TERT: variants seen among roughly 807,000 people sequenced by gnomAD.
TERT encodes telomerase reverse transcriptase.
TERT carries 42 observed loss-of-function variants against 104.0 expected under a neutral mutation model. The ratio of observed to expected loss-of-function variants is 0.40; its 90% CI spans 0.32 to 0.52. The LOEUF (loss-of-function observed/expected upper bound fraction) is 0.52. TERT is among the 20% of genes least tolerant of loss of function. The pLI is 0.43. For synonymous variants in TERT, 781 were observed against 725.6 expected (o/e 1.08, Z -1.23); for missense variants, 1,101 against 1,610.3 (o/e 0.68, Z 5.41).
At chr5:1,293,043 C>T (rs866854739) in intron 2 of TERT, among the ~76,000 whole-genome samples, 1 of 152,270 alleles carries the variant, frequency 6.6e-6, no homozygotes, top group Non-Finnish European at 1.5e-5. Flanking sequence ...CTGCCGCGCC[C>T]AGCCTCCTCT....
rs1054152364 is a variant in TERT, at chr5:1,255,703, T to C, written c.3033-292A>G. 1.3e-5 allele frequency among the ~76,000 whole-genome samples: 2 copies of C among 152,230 alleles called. No individual in the cohort carries two copies. Among genetic ancestry groups the C allele is most frequent in the Non-Finnish European group, 2.9e-5 (2 of 68,036 alleles). On this transcript the variant is annotated intron_variant, in intron 13 of 15. Coordinates refer to ENST00000310581, the MANE Select transcript of TERT (RefSeq NM_198253.3). The surrounding 1 kb of genome is among the most constrained non-coding windows in gnomAD (Gnocchi z 6.9). ...CTCCATCCTGGATGCCAGCCCCCCA[T>C]GCTGGCTTCTGATTAGCCCCTGTTC... is the stretch of plus-strand genomic sequence containing the variant.
Position 1,279,832 on chromosome 5 carries a change from A to C in TERT, c.1950+326T>G, listed in dbSNP as rs534834464. 5.3e-5 allele frequency among the ~76,000 whole-genome samples: 8 copies of C among 152,278 alleles called. No individual in the cohort carries two copies. In the East Asian group the frequency reaches 1.5e-3, roughly 29 times the overall value. On this transcript the variant is annotated intron_variant, in intron 4 of 15. Coordinates refer to ENST00000310581, the MANE Select transcript of TERT (RefSeq NM_198253.3). ...CGTGGCCTGGTCCCCGGGCCCCGTA[A>C]GCGGAAGCGCACGGAGGCTGCGCAC...
At chr5:1,271,627 C>T (rs1024913379) in intron 7 of TERT, among the ~76,000 whole-genome samples, 12 of 152,138 alleles carry the variant, frequency 7.9e-5, no homozygotes, top group Non-Finnish European at 1.3e-4. Flanking sequence ...CCCCTAGAGC[C>T]GAGCAAGTGC....
In TERT at chr5:1,262,417, A is replaced by G. The variant is rs931293020; in HGVS notation, c.2844-1817T>C. ...TGGTTTGGGAGACTAAAATCTGGAC[A>G]AGAAAATTCCCATCTTACCACTTTT... is the stretch of plus-strand genomic sequence containing the variant. On this transcript the variant is annotated intron_variant, in intron 11 of 15. Coordinates refer to ENST00000310581, the MANE Select transcript of TERT (RefSeq NM_198253.3). The surrounding 1 kb of genome is among the most constrained non-coding windows in gnomAD (Gnocchi z 5.6). Among the ~76,000 whole-genome samples, 2 of 152,256 alleles carry G rather than the reference A, an allele frequency of 1.3e-5. No individual in the cohort carries two copies. Among genetic ancestry groups the G allele is most frequent in the Non-Finnish European group, 2.9e-5 (2 of 68,046 alleles).
At chr5:1,290,953 G>A (rs1579592631) in intron 2 of TERT, among the ~76,000 whole-genome samples, 1 of 143,232 alleles carries the variant, frequency 7.0e-6, no homozygotes, top group African/African-American at 2.7e-5. Context: ...CACCCTGCAC[G>A]TGACAGGGAC....
rs1012106507 is a variant in TERT, at chr5:1,257,435, C to A, written c.3032+1163G>T. Among the ~76,000 whole-genome samples the A allele has an allele frequency of 6.6e-6, 1 of 152,156 alleles. No homozygotes were observed. Among genetic ancestry groups the A allele is most frequent in the African/African-American group, 2.4e-5 (1 of 41,444 alleles). Reference sequence around the variant, plus strand: ...CTCAGTGGCACCTGTATCCAGCACACCCCAAGGGTTTCCGGAAAGGAGTCA... The same window carrying A: ...CTCAGTGGCACCTGTATCCAGCACAACCCAAGGGTTTCCGGAAAGGAGTCA... On this transcript the variant is annotated intron_variant, in intron 13 of 15. Coordinates refer to ENST00000310581, the MANE Select transcript of TERT (RefSeq NM_198253.3). The surrounding 1 kb of genome is among the most constrained non-coding windows in gnomAD (Gnocchi z 5.6).
In TERT at chr5:1,257,501, C is replaced by A. The variant is rs533979918; in HGVS notation, c.3032+1097G>T. 6.6e-6 allele frequency among the ~76,000 whole-genome samples: 1 copy of A among 152,252 alleles called. No individual in the cohort carries two copies. The highest frequency in any genetic ancestry group is 1.9e-4 in the East Asian group (1 of 5,162). ...GGCCCAGGCACGCGTCAGGGAGATGCAAACGAGGGAAGATTTGAGGCAGAG... is the reference window on the plus strand; with the variant it reads ...GGCCCAGGCACGCGTCAGGGAGATGAAAACGAGGGAAGATTTGAGGCAGAG... On this transcript the variant is annotated intron_variant, in intron 13 of 15. Transcript: ENST00000310581. This position sits in a 1 kb window ranked among gnomAD's most constrained non-coding sequence, Gnocchi z 5.6.
chr5:1,294,556 G>T lies in TERT; in HGVS notation c.330C>A (p.Gly110=), dbSNP rs778702039. 1 of 1,579,030 alleles carries T rather than the reference G, an allele frequency of 6.3e-7. No individual in the cohort carries two copies. The highest frequency in any genetic ancestry group is 1.1e-5 in the South Asian group (1 of 88,504). The change falls in exon 2 of 16, where the codon GGC becomes GGA. Residue 110 remains glycine (G), a synonymous_variant. Transcript: ENST00000310581. Reference sequence around the variant, plus strand: ...CGCTGGTGGTGAAGGCCTCGGGGGGGCCCCCGCGGGCCCCGTCCAGCAGCG... The same window carrying T: ...CGCTGGTGGTGAAGGCCTCGGGGGGTCCCCCGCGGGCCCCGTCCAGCAGCG... ...GFALLDGARG[G]PPEAFTTSVR...
At chr5:1,264,042 G>T (rs1436869837) in intron 11 of TERT, among the ~76,000 whole-genome samples, 4 of 137,546 alleles carry the variant, frequency 2.9e-5, no homozygotes, top group Non-Finnish European at 5.9e-5. Context: ...GGTTCAGAGG[G>T]ACTCATGCCC....
rs1322987070 is a variant in TERT at position 1,294,288 on chromosome 5, C to T, written c.598G>A (p.Glu200Lys). 1.3e-6 allele frequency: 2 copies of T among 1,594,248 alleles called. No homozygotes were observed. The highest frequency in any genetic ancestry group is 1.7e-6 in the Non-Finnish European group (2 of 1,176,602). The change falls in exon 2 of 16, where the codon GAA (glutamate) becomes AAA (lysine). Residue 200 changes from glutamate to lysine, a missense_variant. By Grantham distance (56) the Glu-to-Lys change is moderately conservative. Coordinates refer to ENST00000310581, the MANE Select transcript of TERT (RefSeq NM_198253.3). The stretch of plus-strand genomic sequence containing the variant: ...CTGACGCTATGGTTCCAGGCCCGTT[C>T]GCATCCCAGACGCCTTCGGGGTCCA... ...ASGPRRRLGC[E>K]RAWNHSVREA...
rs1189188708 is a variant in TERT at position 1,293,631 on chromosome 5, C to A, written c.1255G>T (p.Val419Phe). Residue 419 changes from valine to phenylalanine, a missense_variant, in exon 2 of 16, where the codon GTC becomes TTC. Physicochemically the swap from Val to Phe is conservative, Grantham distance 50. Coordinates refer to ENST00000310581, the MANE Select transcript of TERT (RefSeq NM_198253.3). ...GCACAGACACCGGCTGCTGGGGTGA[C>A]CGCAGCTCGCAGCGGGCAGTGCGTC... The part of the protein sequence containing the change: ...LKTHCPLRAA[V>F]TPAAGVCARE... The A allele has an allele frequency of 5.1e-6, 8 of 1,553,926 alleles. No homozygotes were observed. The highest frequency in any genetic ancestry group is 6.1e-6 in the Non-Finnish European group (7 of 1,148,872).
rs994997593 is a variant in TERT at position 1,274,648 on chromosome 5, G to A, written c.2287-2368C>T. 2.6e-5 allele frequency among the ~76,000 whole-genome samples: 4 copies of A among 152,216 alleles called. No homozygotes were observed. Among genetic ancestry groups the A allele is most frequent in the African/African-American group, 7.2e-5 (3 of 41,458 alleles). On this transcript the variant is annotated intron_variant, in intron 6 of 15. Coordinates refer to ENST00000310581, the MANE Select transcript of TERT (RefSeq NM_198253.3). This position sits in a 1 kb window ranked among gnomAD's most constrained non-coding sequence, Gnocchi z 5.3. ...ACCGCATGCCACTGCTGATCTGAGA[G>A]GGGCGGGGCTCAGGCGGGAACGCTG...
chr5:1,285,847 C>T (rs917538553), intron 2 of TERT, among the ~76,000 whole-genome samples: 11 of 152,008 alleles, frequency 7.2e-5, no homozygotes, highest in Non-Finnish European at 1.5e-4. Flanking sequence ...GGATTACAGG[C>T]GTGAGCCACC....
chr5:1,265,647 T>G lies in TERT; in HGVS notation c.2654+817A>C, dbSNP rs1161743325. Among the ~76,000 whole-genome samples the G allele has an allele frequency of 6.7e-6, 1 of 149,900 alleles. No homozygotes were observed. The highest frequency in any genetic ancestry group is 1.5e-5 in the Non-Finnish European group (1 of 67,976). On this transcript the variant is annotated intron_variant, in intron 10 of 15. Coordinates refer to ENST00000310581, the MANE Select transcript of TERT (RefSeq NM_198253.3). This position sits in a 1 kb window ranked among gnomAD's most constrained non-coding sequence, Gnocchi z 6.9. ...GCATACCCCCAGCCCAGGGCGGCCC[T>G]GGAGGGTGGACCTGGAGGGTGGACT...
Position 1,294,071 on chromosome 5 carries a change from A to C in TERT, c.815T>G (p.Val272Gly), listed in dbSNP as rs753076785. The change falls in exon 2 of 16, where the codon GTG (valine) becomes GGG (glycine). Residue 272 changes from valine to glycine, a missense_variant. Val to Gly is a moderately radical substitution (Grantham distance 109). Coordinates refer to ENST00000310581, the MANE Select transcript of TERT (RefSeq NM_198253.3). The part of the protein sequence containing the change: ...TRGPSDRGFC[V>G]VSPARPAEEA... ...TTCGGCGGGTCTGGCAGGTGACACC[A>C]CACAGAAACCACGGTCACTCGGTCC... is the stretch of plus-strand genomic sequence containing the variant. 1.3e-6 allele frequency: 2 copies of C among 1,591,002 alleles called. No homozygotes were observed. Among genetic ancestry groups the C allele is most frequent in the Admixed American group, 3.5e-5 (2 of 57,934 alleles).
chr5:1,289,329 C>G (rs1183994351), intron 2 of TERT, among the ~76,000 whole-genome samples: 1 of 141,458 alleles, frequency 7.1e-6, no homozygotes, highest in Non-Finnish European at 1.5e-5. Context: ...CAGAGACACC[C>G]GGGGACAGTG....
rs796285684 is a variant in TERT at position 1,274,164 on chromosome 5, C to G, written c.2287-1884G>C. On this transcript the variant is annotated intron_variant, in intron 6 of 15. Transcript: ENST00000310581. This position sits in a 1 kb window ranked among gnomAD's most constrained non-coding sequence, Gnocchi z 5.3. ...CTCTGTGCTTCAGCATGTTCCCCAG[C>G]CCCCAGGAGCTGGCGGCAGGGCCGT... Among the ~76,000 whole-genome samples the G allele has an allele frequency of 1.3e-5, 2 of 152,194 alleles. No homozygotes were observed. The highest frequency in any genetic ancestry group is 2.9e-5 in the Non-Finnish European group (2 of 68,036).
At chr5:1,281,539 G>A (rs968334633) in intron 3 of TERT, among the ~76,000 whole-genome samples, 6 of 152,300 alleles carry the variant, frequency 3.9e-5, no homozygotes, top group East Asian at 3.9e-4. Flanking sequence ...CCAGACCAGC[G>A]CTCCCGTCCC....
In TERT at chr5:1,262,073, C is replaced by T. The variant is rs1408794170; in HGVS notation, c.2844-1473G>A. 5.9e-5 allele frequency among the ~76,000 whole-genome samples: 9 copies of T among 152,170 alleles called. No individual in the cohort carries two copies. Among genetic ancestry groups the T allele is most frequent in the Admixed American group, 4.6e-4 (7 of 15,276 alleles). ...TGCCCGTTGCCTCACTGGTTTCATC[C>T]GCCTCCCTGTGTGTCCTTCCCCAAC... is the stretch of plus-strand genomic sequence containing the variant. On this transcript the variant is annotated intron_variant, in intron 11 of 15. Transcript: ENST00000310581. The surrounding 1 kb of genome is among the most constrained non-coding windows in gnomAD (Gnocchi z 5.6).
Sources: gnomAD v4.1 joint callset for allele counts (sites outside exome capture counted in the v4.1 genomes callset) on GRCh38, gnomAD v4.1.1 for gene constraint, Gnocchi (gnomAD v3.1) non-coding constraint, MANE v1.5 for transcripts, NCBI Gene and HGNC (gene_info 2026-07-23, HGNC 2026-07-21) for gene names.